CNTNAP2: variants seen among roughly 807,000 people sequenced by gnomAD.
CNTNAP2 encodes contactin associated protein 2, also known as contactin-associated protein-like 2.
CNTNAP2 carries 98 observed loss-of-function variants against 155.2 expected under a neutral mutation model. The ratio of observed to expected loss-of-function variants is 0.63; its 90% confidence interval spans 0.54 to 0.75. The LOEUF is 0.75. CNTNAP2 is among the 30% of genes least tolerant of loss of function. CNTNAP2 has a pLI of 0.00. For synonymous variants in CNTNAP2, 651 were observed against 631.2 expected (o/e 1.03, Z -0.47); for missense variants, 1,727 against 1,688.1 (o/e 1.02, Z -0.40).
At chr7:147,093,353 A>G (rs994808254) in intron 4 of CNTNAP2, among the ~76,000 whole-genome samples, 1 of 152,070 alleles carries the variant, frequency 6.6e-6, no homozygotes, top group African/African-American at 2.4e-5. Flanking sequence ...TTGCCTCAAG[A>G]TTAAATTAAA....
At chr7:147,784,847 A>G (rs1291989123) in intron 13 of CNTNAP2, among the ~76,000 whole-genome samples, 1 of 151,758 alleles carries the variant, frequency 6.6e-6, no homozygotes, top group Non-Finnish European at 1.5e-5. Flanking sequence ...GTTGTTGATA[A>G]AAACCATCAC....
At chr7:146,342,988 A>G (rs1465874296) in intron 1 of CNTNAP2, among the ~76,000 whole-genome samples, 1 of 152,204 alleles carries the variant, frequency 6.6e-6, no homozygotes, top group Non-Finnish European at 1.5e-5. Context: ...GTCATGAGCA[A>G]TAGGCATTTT....
intron 20 of CNTNAP2, among the ~76,000 whole-genome samples, chr7:148,253,964 G>A (rs1010804738): frequency 6.6e-6 from 1 of 152,038 alleles, no homozygotes; most frequent in Non-Finnish European, 1.5e-5. Context: ...CATATACGCA[G>A]GTCCTGCATC....
In CNTNAP2 at chr7:148,024,501, C is replaced by T. The variant is rs377727551; in HGVS notation, c.2383+46512C>T. 1.7e-4 allele frequency among the ~76,000 whole-genome samples: 26 copies of T among 152,216 alleles called. No homozygotes were observed. In the East Asian group the frequency reaches 2.7e-3, roughly 16 times the overall value. On this transcript the variant is annotated intron_variant, in intron 15 of 23. Transcript: ENST00000361727. ...ACTATCTGAATAAAGTGCTTCAGTC[C>T]GCTATGATACTTTACTCTAGGAAAC...
chr7:147,434,803 T>C (rs958715667), intron 10 of CNTNAP2, among the ~76,000 whole-genome samples: 1 of 152,246 alleles, frequency 6.6e-6, no homozygotes, highest in Non-Finnish European at 1.5e-5. Flanking sequence ...CATGGTCTGC[T>C]ATGCTGCGCA....
intron 8 of CNTNAP2, among the ~76,000 whole-genome samples, chr7:147,227,682 G>A (rs1803580292): frequency 6.6e-6 from 1 of 152,112 alleles, no homozygotes; most frequent in Non-Finnish European, 1.5e-5. Context: ...GATGGCAAAG[G>A]TTACATACAG....
chr7:147,482,440 C>T (rs1412328784), intron 10 of CNTNAP2, among the ~76,000 whole-genome samples: 1 of 152,090 alleles, frequency 6.6e-6, no homozygotes, highest in East Asian at 1.9e-4. Flanking sequence ...AAGAATCAGG[C>T]CCGTGTGGTG....
At chr7:146,884,444 C>T (rs946825684) in intron 3 of CNTNAP2, among the ~76,000 whole-genome samples, 1 of 152,012 alleles carries the variant, frequency 6.6e-6, no homozygotes, top group Non-Finnish European at 1.5e-5. Flanking sequence ...TACTATACAG[C>T]TCCTTCTCTT....
chr7:146,880,853 A>G lies in CNTNAP2; in HGVS notation c.402+40949A>G, dbSNP rs1190596358. On this transcript the variant is annotated intron_variant, in intron 3 of 23. Coordinates refer to ENST00000361727, the MANE Select transcript of CNTNAP2 (RefSeq NM_014141.6). ...ACAAAATCTCAGGGGATGAAATATT[A>G]TCCTCATTAGATTCACAAGGACTTA... Among the ~76,000 whole-genome samples, 6 of 152,274 alleles carry G rather than the reference A, an allele frequency of 3.9e-5. No homozygotes were observed. The East Asian group carries it at 1.2e-3, about 29-fold the overall frequency.
At chr7:146,755,219 G>A (rs1347986730) in intron 1 of CNTNAP2, among the ~76,000 whole-genome samples, 1 of 151,952 alleles carries the variant, frequency 6.6e-6, no homozygotes, top group Non-Finnish European at 1.5e-5. Context: ...CATTGGTGTT[G>A]TCGGTTACTT....
At chr7:146,609,137 T>C (rs187170511) in intron 1 of CNTNAP2, among the ~76,000 whole-genome samples, 43 of 152,300 alleles carry the variant, frequency 2.8e-4, no homozygotes, top group African/African-American at 1.0e-3. Context: ...ATGACCCAAG[T>C]TTCTTCACAT....
At chr7:146,534,033 G>T (rs1361841260) in intron 1 of CNTNAP2, among the ~76,000 whole-genome samples, 1 of 152,092 alleles carries the variant, frequency 6.6e-6, no homozygotes, top group Non-Finnish European at 1.5e-5. Flanking sequence ...TTCTACAAAT[G>T]AGTCCTCTGT....
chr7:147,079,101 A>C (rs1230488099), intron 4 of CNTNAP2, among the ~76,000 whole-genome samples: 1 of 152,176 alleles, frequency 6.6e-6, no homozygotes, highest in African/African-American at 2.4e-5. Flanking sequence ...CATACTCTGT[A>C]ATATAACATA....
At chr7:148,076,267 G>A (rs1297883587) in intron 15 of CNTNAP2, among the ~76,000 whole-genome samples, 1 of 151,854 alleles carries the variant, frequency 6.6e-6, no homozygotes, top group African/African-American at 2.4e-5. Flanking sequence ...TTTTACTTGG[G>A]CATGTTGTTG....
intron 21 of CNTNAP2, among the ~76,000 whole-genome samples, chr7:148,298,781 C>A (rs1797328998): frequency 1.3e-5 from 2 of 152,130 alleles, no homozygotes; most frequent in Admixed American, 1.3e-4. Context: ...AGCCTGAAGC[C>A]TCAACCTCCT....
chr7:148,108,296 T>TAAC (rs1310912778), intron 15 of CNTNAP2, among the ~76,000 whole-genome samples: 1 of 151,844 alleles, frequency 6.6e-6, no homozygotes, highest in Admixed American at 6.6e-5. Flanking sequence ...CTACAAAGCG[T>TAAC]AACACAGGGC....
chr7:146,968,748 T>C (rs947883517), intron 3 of CNTNAP2, among the ~76,000 whole-genome samples: 106 of 151,944 alleles, frequency 7.0e-4, no homozygotes, highest in African/African-American at 2.4e-3. Flanking sequence ...TTGTTGATCC[T>C]TTCAAAAAAC....
intron 14 of CNTNAP2, among the ~76,000 whole-genome samples, chr7:147,931,396 T>G (rs1436710293): frequency 6.6e-6 from 1 of 152,134 alleles, no homozygotes; most frequent in Non-Finnish European, 1.5e-5. Flanking sequence ...CTTGTCAAGA[T>G]CTTCCAAAAA....
intron 10 of CNTNAP2, among the ~76,000 whole-genome samples, chr7:147,423,673 T>C (rs530798046): frequency 1.3e-5 from 2 of 152,268 alleles, no homozygotes; most frequent in African/African-American, 4.8e-5. Context: ...TCTGAAATAT[T>C]GGCCCTCCTC....
Sources: allele counts gnomAD v4.1 joint callset (sites outside exome capture counted in the v4.1 genomes callset), GRCh38; gene constraint gnomAD v4.1.1; transcripts MANE v1.5; gene names NCBI Gene and HGNC (gene_info 2026-07-23, HGNC 2026-07-21).